The following PTPRT variants were observed in gnomAD, a reference collection of about 807,000 sequenced individuals.
The protein encoded by PTPRT is receptor-type tyrosine-protein phosphatase T.
PTPRT carries 56 observed loss-of-function variants against 176.8 expected under a neutral mutation model. That is an observed-to-expected ratio of 0.32 (90% CI 0.26 to 0.40). PTPRT has a LOEUF of 0.40. Among genes scored for constraint, PTPRT ranks in the 10% least tolerant of loss-of-function variants. The pLI is 1.00. For synonymous variants in PTPRT, 783 were observed against 739.0 expected, an observed-to-expected ratio of 1.06 and a Z score of -0.96; for missense variants, 1,540 against 1,908.2, an observed-to-expected ratio of 0.81 and a Z score of 3.60.
chr20:42,919,814 A>C (rs1194471069), intron 1 of PTPRT, among the ~76,000 whole-genome samples: 2 of 152,210 alleles, frequency 1.3e-5, no homozygotes, highest in Non-Finnish European at 2.9e-5. Flanking sequence ...TCATTCTTTT[A>C]GTGTAGTTCA....
At chr20:43,166,357 G>T (rs1393427457) in intron 1 of PTPRT, among the ~76,000 whole-genome samples, 1 of 149,676 alleles carries the variant, frequency 6.7e-6, no homozygotes, top group Non-Finnish European at 1.5e-5. Context: ...CTATGGATCT[G>T]TAGATTTCTC....
chr20:42,537,439 A>G (rs1272479860), intron 7 of PTPRT, among the ~76,000 whole-genome samples: 4 of 152,212 alleles, frequency 2.6e-5, no homozygotes, highest in African/African-American at 9.6e-5. Context: ...TCATTTAGAA[A>G]ACAAACTTAT....
At chr20:42,834,089 G>A (rs374655676) in intron 2 of PTPRT, among the ~76,000 whole-genome samples, 2 of 144,066 alleles carry the variant, frequency 1.4e-5, no homozygotes, top group Admixed American at 1.4e-4. Context: ...CATAGGCTGG[G>A]AAAAAAAAAT....
intron 13 of PTPRT, among the ~76,000 whole-genome samples, chr20:42,270,653 G>T (rs1243295433): frequency 6.6e-6 from 1 of 151,994 alleles, no homozygotes; most frequent in East Asian, 1.9e-4. Flanking sequence ...AGAGTAAGAG[G>T]CACCACTTAT....
At chr20:42,354,062 T>A (rs977555175) in intron 9 of PTPRT, among the ~76,000 whole-genome samples, 10 of 149,966 alleles carry the variant, frequency 6.7e-5, no homozygotes, top group Non-Finnish European at 1.3e-4. Flanking sequence ...TCTAAAAAAT[T>A]AAAAAAAAAA....
At chr20:42,945,704 G>A (rs73273614) in intron 1 of PTPRT, among the ~76,000 whole-genome samples, 6,868 of 152,268 alleles carry the variant, frequency 0.045, 435 homozygotes, top group African/African-American at 0.14. Flanking sequence ...GTCCACTGGG[G>A]TGCTTCGCTC....
chr20:42,483,718 C>T (rs1040798499), intron 7 of PTPRT, among the ~76,000 whole-genome samples: 4 of 152,226 alleles, frequency 2.6e-5, no homozygotes, highest in African/African-American at 4.8e-5. Context: ...TCATGGCCCT[C>T]GGGCCCACAG....
chr20:43,005,658 G>A (rs1984814935), intron 1 of PTPRT, among the ~76,000 whole-genome samples: 1 of 152,156 alleles, frequency 6.6e-6, no homozygotes, highest in Non-Finnish European at 1.5e-5. Context: ...CTGACCCTGT[G>A]TCTATTTTGC....
intron 1 of PTPRT, among the ~76,000 whole-genome samples, chr20:43,024,731 T>C (rs554518100): frequency 4.6e-5 from 7 of 152,198 alleles, no homozygotes; most frequent in Non-Finnish European, 1.0e-4. Context: ...GCCTGCCCAA[T>C]GTCCAGTGTT....
At chr20:42,324,205 CT>C (rs2057848028) in intron 11 of PTPRT, among the ~76,000 whole-genome samples, 1 of 152,206 alleles carries the variant, frequency 6.6e-6, no homozygotes, top group Non-Finnish European at 1.5e-5. Context: ...AAATAAACTA[CT>C]GCTACAATCT....
At chr20:43,065,198 A>C (rs1022518500) in intron 1 of PTPRT, among the ~76,000 whole-genome samples, 1 of 152,236 alleles carries the variant, frequency 6.6e-6, no homozygotes, top group Non-Finnish European at 1.5e-5. Flanking sequence ...TGGTGGCTTA[A>C]AACAATGAAC....
At chr20:42,696,227 A>G (rs1341256949) in intron 6 of PTPRT, among the ~76,000 whole-genome samples, 3 of 137,466 alleles carry the variant, frequency 2.2e-5, no homozygotes, top group African/African-American at 8.3e-5. Flanking sequence ...CTTTCCCCTG[A>G]TCTCTTTTTT....
chr20:43,169,479 A>G (rs2014941950), intron 1 of PTPRT, among the ~76,000 whole-genome samples: 1 of 152,190 alleles, frequency 6.6e-6, no homozygotes, highest in African/African-American at 2.4e-5. Context: ...TGCTTTTTAC[A>G]TTTATACCTC....
At chr20:42,701,385 G>A (rs1048030361) in intron 6 of PTPRT, among the ~76,000 whole-genome samples, 3 of 152,168 alleles carry the variant, frequency 2.0e-5, no homozygotes, top group Non-Finnish European at 2.9e-5. Flanking sequence ...AGGTGCTACC[G>A]TGGGATGCTT....
intron 7 of PTPRT, among the ~76,000 whole-genome samples, chr20:42,654,284 T>C (rs949868252): frequency 6.6e-6 from 1 of 152,092 alleles, no homozygotes; most frequent in Non-Finnish European, 1.5e-5. Context: ...CCAAGAATGA[T>C]GCAAGAAGGC....
At chr20:42,780,400 C>G in intron 3 of PTPRT, 101 bp from the exon 4 acceptor site, 1 of 836,486 alleles carries the variant, frequency 1.2e-6, no homozygotes, top group South Asian at 1.5e-5. Flanking sequence ...AACTTCCCAT[C>G]AGAAGCAACC....
intron 2 of PTPRT, among the ~76,000 whole-genome samples, chr20:42,855,507 C>A (rs1225617078): frequency 6.7e-6 from 1 of 148,288 alleles, no homozygotes; most frequent in Admixed American, 6.7e-5. Context: ...TCTCGGCTCA[C>A]TGCAACCTCC....
chr20:42,573,251 G>A (rs1286148283), intron 7 of PTPRT, among the ~76,000 whole-genome samples: 1 of 152,148 alleles, frequency 6.6e-6, no homozygotes, highest in Non-Finnish European at 1.5e-5. Flanking sequence ...GCCCCTGGCT[G>A]CACAAGCCCA....
chr20:42,596,477 A>C (rs6030353), intron 7 of PTPRT, among the ~76,000 whole-genome samples: 18,941 of 152,260 alleles, frequency 0.12, 1,272 homozygotes, highest in South Asian at 0.15. Flanking sequence ...CAACAGAATG[A>C]GAAAACGCTC....
Sources: gnomAD v4.1 joint callset for allele counts (sites outside exome capture counted in the v4.1 genomes callset) on GRCh38, gnomAD v4.1.1 for gene constraint, MANE v1.5 for transcripts, NCBI Gene and HGNC (gene_info 2026-07-23, HGNC 2026-07-21) for gene names.